MND1: variants seen among roughly 807,000 people sequenced by gnomAD.
MND1 encodes the protein meiotic nuclear divisions 1.
MND1 carries 28 observed loss-of-function variants against 35.1 expected under a neutral mutation model. The observed-to-expected ratio is 0.80, with a 90% CI of 0.59 to 1.09. The LOEUF (loss-of-function observed/expected upper bound fraction) is 1.09. Ranked by LOEUF, MND1 falls within the 50% of genes least tolerant of loss-of-function variation. The pLI, the probability that MND1 is intolerant of heterozygous loss-of-function variation, is 0.00. For missense variants in MND1, 213 were observed against 239.6 expected, an observed-to-expected ratio of 0.89 and a Z score of 0.73; for synonymous variants, 69 against 70.5, an observed-to-expected ratio of 0.98 and a Z score of 0.11.
chr4:153,363,536 T>C (rs1248756048), intron 4 of MND1, among the ~76,000 whole-genome samples: 4 of 152,176 alleles, frequency 2.6e-5, no homozygotes, highest in African/African-American at 4.8e-5. Context: ...TATTCATCAT[T>C]CAAAAAATGT....
At chr4:153,396,804 C>A (rs1561076060) in intron 5 of MND1, among the ~76,000 whole-genome samples, 2 of 151,946 alleles carry the variant, frequency 1.3e-5, no homozygotes, top group Non-Finnish European at 2.9e-5. Context: ...GTCTAGAACA[C>A]TTTTAAAGAT....
At chr4:153,403,578 T>C (rs1160422396) in intron 6 of MND1, among the ~76,000 whole-genome samples, 1 of 152,020 alleles carries the variant, frequency 6.6e-6, no homozygotes, top group Non-Finnish European at 1.5e-5. Flanking sequence ...GCAACAATCC[T>C]GGGGAGGGGG....
intron 4 of MND1, among the ~76,000 whole-genome samples, chr4:153,383,066 G>A (rs1394921422): frequency 1.3e-5 from 2 of 152,162 alleles, no homozygotes; most frequent in Admixed American, 6.5e-5. Context: ...CTGTTGGGAG[G>A]TTCTTTCAGT....
intron 6 of MND1, among the ~76,000 whole-genome samples, chr4:153,397,935 G>A (rs536836298): frequency 6.6e-6 from 1 of 150,944 alleles, no homozygotes; most frequent in Admixed American, 6.6e-5. Flanking sequence ...TAAAATATAA[G>A]GTTAGAGAAC....
Position 153,382,812 on chromosome 4 carries a change from A to G in MND1, c.277-11450A>G, listed in dbSNP as rs528731985. Among the ~76,000 whole-genome samples, 8 of 152,352 alleles carry G rather than the reference A, an allele frequency of 5.3e-5. No homozygotes were observed. In the South Asian group the frequency reaches 1.0e-3, roughly 20 times the overall value. On this transcript the variant is annotated intron_variant, in intron 4 of 7. Transcript: ENST00000240488. ...AAACATTTAAAATAGTAATTAAACA[A>G]TATTTTCATTAGAAATTTCAATGGT...
At chr4:153,358,178 T>C (rs1261516982) in intron 3 of MND1, among the ~76,000 whole-genome samples, 1 of 152,188 alleles carries the variant, frequency 6.6e-6, no homozygotes, top group Non-Finnish European at 1.5e-5. Context: ...CCTAGAGTCA[T>C]CCAGTGTTAC....
chr4:153,364,856 C>T (rs961049717), intron 4 of MND1, among the ~76,000 whole-genome samples: 3 of 152,170 alleles, frequency 2.0e-5, no homozygotes, highest in African/African-American at 7.2e-5. Flanking sequence ...GGATTGCAGG[C>T]TCATCCCACC....
At chr4:153,375,968 A>G (rs577801799) in intron 4 of MND1, among the ~76,000 whole-genome samples, 1 of 152,294 alleles carries the variant, frequency 6.6e-6, no homozygotes, top group East Asian at 1.9e-4. Flanking sequence ...TGGGCAAGAA[A>G]AGCTTTATGT....
At chr4:153,376,280 G>A (rs1195794600) in intron 4 of MND1, among the ~76,000 whole-genome samples, 4 of 152,080 alleles carry the variant, frequency 2.6e-5, no homozygotes, top group Admixed American at 2.6e-4. Context: ...TGTGTGTGTG[G>A]ATGTGTGTTT....
rs1773401346 is a variant in MND1 at position 153,358,529 on chromosome 4, CTG to C, written c.186_187del (p.Cys62Ter). Reference sequence around the variant, plus strand: ...GCTTAGTTGATGATGGTATGGTTGACTGTGAGAGGATCGGAACTTCTAATTAT... The same window carrying C: ...GCTTAGTTGATGATGGTATGGTTGACTGAGAGGATCGGAACTTCTAATTAT... ...QSLVDDGMVD[C>X]ERIGTSNYYW... On this transcript the variant is annotated frameshift_variant, in exon 4 of 8. Coordinates refer to ENST00000240488, the MANE Select transcript of MND1 (RefSeq NM_032117.4). LOFTEE classifies it high-confidence loss of function. 10 of 1,613,474 alleles carry C rather than the reference CTG, an allele frequency of 6.2e-6. No individual in the cohort carries two copies. Among genetic ancestry groups the C allele is most frequent in the Non-Finnish European group, 8.5e-6 (10 of 1,179,744 alleles).
At chr4:153,368,873 TCCAAAACAGGGTGACTTTAAGAAATA>T (rs1172966176) in intron 4 of MND1, among the ~76,000 whole-genome samples, 4 of 152,212 alleles carry the variant, frequency 2.6e-5, no homozygotes, top group African/African-American at 7.2e-5. Context: ...AAATATGTAC[TCCAAAACAGGGTGACTTTAAGAAATA>T]CCAAAACAGG....
intron 7 of MND1, among the ~76,000 whole-genome samples, chr4:153,412,636 C>T (rs956275680): frequency 2.0e-5 from 3 of 151,784 alleles, no homozygotes; most frequent in African/African-American, 7.3e-5. Flanking sequence ...GCGCACACCA[C>T]CATGCCCGGC....
At chr4:153,369,124 G>GGGA (rs1773730043) in intron 4 of MND1, among the ~76,000 whole-genome samples, 2 of 152,194 alleles carry the variant, frequency 1.3e-5, no homozygotes. Context: ...AGGGTCTTGG[G>GGGA]CTGCAGATCT....
intron 6 of MND1, among the ~76,000 whole-genome samples, chr4:153,400,003 G>T (rs1729304961): frequency 7.1e-6 from 1 of 141,258 alleles, no homozygotes; most frequent in African/African-American, 2.7e-5. Context: ...GCAAGCTCAA[G>T]TCATTCCCCC....
At chr4:153,356,211 A>G (rs866249404) in intron 3 of MND1, among the ~76,000 whole-genome samples, 6 of 152,086 alleles carry the variant, frequency 3.9e-5, no homozygotes, top group African/African-American at 1.4e-4. Flanking sequence ...CTACATATCT[A>G]TTATTTTTTG....
At chr4:153,344,946 T>C (rs894529521) in intron 1 of MND1, among the ~76,000 whole-genome samples, 3 of 152,124 alleles carry the variant, frequency 2.0e-5, no homozygotes, top group African/African-American at 7.2e-5. Context: ...CCGCCGCTCC[T>C]GTCCGGAGTC....
intron 2 of MND1, among the ~76,000 whole-genome samples, chr4:153,350,978 A>G (rs1773203773): frequency 6.6e-6 from 1 of 150,722 alleles, no homozygotes; most frequent in Non-Finnish European, 1.5e-5. Context: ...AACAAACAAA[A>G]TACACGGGAT....
chr4:153,373,854 G>A (rs973710816), intron 4 of MND1, among the ~76,000 whole-genome samples: 1 of 152,160 alleles, frequency 6.6e-6, no homozygotes, highest in Middle Eastern at 3.4e-3. Context: ...ATGCCATTTC[G>A]CAGACCTAAA....
intron 4 of MND1, among the ~76,000 whole-genome samples, chr4:153,387,404 T>G (rs1182276074): frequency 6.6e-6 from 1 of 152,162 alleles, no homozygotes; most frequent in Non-Finnish European, 1.5e-5. Context: ...TGTTTATTGT[T>G]TCCTTATGAT....
Sources: gnomAD v4.1 joint callset for allele counts (sites outside exome capture counted in the v4.1 genomes callset) on GRCh38, gnomAD v4.1.1 for gene constraint, MANE v1.5 for transcripts, NCBI Gene and HGNC (gene_info 2026-07-23, HGNC 2026-07-21) for gene names.